BCAS4: variants seen among roughly 807,000 people sequenced by gnomAD.
BCAS4 encodes breast carcinoma-amplified sequence 4.
A neutral mutation model predicts 15.7 loss-of-function variants in BCAS4; 9 were observed. The ratio of observed to expected loss-of-function variants is 0.57; its 90% confidence interval spans 0.34 to 1.00. BCAS4 has a LOEUF of 1.00. Ranked by LOEUF, BCAS4 falls within the 50% of genes least tolerant of loss-of-function variation. BCAS4 has a pLI of 0.02. For synonymous variants in BCAS4, 101 were observed against 99.5 expected (o/e 1.02, Z -0.09); for missense variants, 225 against 239.1 (o/e 0.94, Z 0.39).
At chr20:50,856,867 C>G (rs1198820253) in intron 4 of BCAS4, among the ~76,000 whole-genome samples, 1 of 152,188 alleles carries the variant, frequency 6.6e-6, no homozygotes, top group Non-Finnish European at 1.5e-5. Flanking sequence ...AGTCACATCA[C>G]TTAGTGGCTG....
At chr20:50,865,408 C>G (rs567893771) in intron 4 of BCAS4, among the ~76,000 whole-genome samples, 4 of 152,314 alleles carry the variant, frequency 2.6e-5, no homozygotes, top group African/African-American at 4.8e-5. Flanking sequence ...CGACTCCCCC[C>G]ACCTGCTGTC....
intron 4 of BCAS4, among the ~76,000 whole-genome samples, chr20:50,865,963 G>A (rs1222769674): frequency 6.6e-6 from 1 of 152,130 alleles, no homozygotes; most frequent in East Asian, 1.9e-4. Flanking sequence ...CAGAAAGCCC[G>A]GAGCCAGGAC....
intron 1 of BCAS4, among the ~76,000 whole-genome samples, chr20:50,809,627 TC>T (rs1267813336): frequency 2.0e-5 from 3 of 152,218 alleles, no homozygotes; most frequent in Non-Finnish European, 2.9e-5. Context: ...GATTTTTTTT[TC>T]TAGTTCCATG....
intron 4 of BCAS4, among the ~76,000 whole-genome samples, chr20:50,873,003 G>T (rs977047127): frequency 6.6e-5 from 10 of 152,170 alleles, no homozygotes; most frequent in Non-Finnish European, 1.0e-4. Context: ...CCATTGTGAC[G>T]TTTGGCCAGA....
intron 1 of BCAS4, among the ~76,000 whole-genome samples, chr20:50,817,821 T>G (rs1431440093): frequency 6.6e-6 from 1 of 152,100 alleles, no homozygotes; most frequent in Non-Finnish European, 1.5e-5. Context: ...TGTGAGGTTG[T>G]GGACTCCATC....
chr20:50,808,027 C>T (rs6067554), intron 1 of BCAS4, among the ~76,000 whole-genome samples: 35,770 of 151,610 alleles, frequency 0.24, 5,541 homozygotes, highest in African/African-American at 0.44. Flanking sequence ...CCTGCCTCAG[C>T]CTCCCGAGTA....
chr20:50,795,502 T>TACCTCCGAGCGGTGCCCGGGCC (rs1252922630), intron 1 of BCAS4, among the ~76,000 whole-genome samples: 7 of 152,152 alleles, frequency 4.6e-5, no homozygotes, highest in Admixed American at 4.6e-4. Context: ...CTGCCCCGGC[T>TACCTCCGAGCGGTGCCCGGGCC]ACCTCCGAGC....
chr20:50,822,558 G>A (rs528098544), intron 2 of BCAS4, among the ~76,000 whole-genome samples: 8 of 151,536 alleles, frequency 5.3e-5, no homozygotes, highest in Non-Finnish European at 8.8e-5. Context: ...GTAGAGCAAC[G>A]AAGCTCTCAT....
chr20:50,843,590 G>A (rs2088508800), intron 4 of BCAS4, among the ~76,000 whole-genome samples: 1 of 152,070 alleles, frequency 6.6e-6, no homozygotes, highest in Non-Finnish European at 1.5e-5. Context: ...TCACCTGCCT[G>A]CTTCCAGGTG....
intron 1 of BCAS4, among the ~76,000 whole-genome samples, chr20:50,799,674 C>T (rs572777181): frequency 2.0e-5 from 3 of 152,310 alleles, no homozygotes; most frequent in East Asian, 1.9e-4. Context: ...CCTTCAGCCT[C>T]GGTATGTGCC....
intron 3 of BCAS4, among the ~76,000 whole-genome samples, chr20:50,837,820 C>T (rs1021799217): frequency 5.9e-5 from 9 of 152,224 alleles, no homozygotes; most frequent in Non-Finnish European, 1.2e-4. Flanking sequence ...TTGGTATTAA[C>T]GCTGGGAGCG....
At chr20:50,803,829 A>G (rs1242854404) in intron 1 of BCAS4, among the ~76,000 whole-genome samples, 2 of 151,092 alleles carry the variant, frequency 1.3e-5, no homozygotes, top group African/African-American at 2.4e-5. Flanking sequence ...AAGAGAGAGA[A>G]AAATACTGAT....
At chr20:50,872,204 C>T (rs866404932) in intron 4 of BCAS4, among the ~76,000 whole-genome samples, 2 of 135,662 alleles carry the variant, frequency 1.5e-5, no homozygotes, top group Admixed American at 8.4e-5. Context: ...GCAGAGGCTT[C>T]GGTGAGCCAA....
intron 4 of BCAS4, among the ~76,000 whole-genome samples, chr20:50,872,581 CA>C (rs796808126): frequency 0.037 from 1,493 of 40,156 alleles, 37 homozygotes; most frequent in African/African-American, 0.36. Context: ...AAAAAAGGAA[CA>C]AAAAAAAAAA....
intron 4 of BCAS4, among the ~76,000 whole-genome samples, chr20:50,843,690 AAAG>A (rs1488110105): frequency 6.6e-6 from 1 of 152,236 alleles, no homozygotes; most frequent in African/African-American, 2.4e-5. Context: ...AGACCAAGTT[AAAG>A]ACATCTCCTG....
chr20:50,818,439 C>CCT (rs3830778), intron 2 of BCAS4, among the ~76,000 whole-genome samples, 157 bp downstream of exon 2: 5,490 of 151,094 alleles, frequency 0.036, 116 homozygotes, highest in African/African-American at 0.06. Flanking sequence ...AACACTCCCT[C>CCT]CTCTCTCTCT....
chr20:50,841,493 G>A (rs915466808), intron 3 of BCAS4, among the ~76,000 whole-genome samples: 3 of 152,126 alleles, frequency 2.0e-5, no homozygotes, highest in African/African-American at 7.2e-5. Context: ...GCCTCTCTGA[G>A]CCTTGATTTC....
intron 4 of BCAS4, 22 bp from the exon 5 acceptor site, chr20:50,876,464 G>A (rs1252282523): frequency 6.2e-7 from 1 of 1,610,706 alleles, no homozygotes; most frequent in African/African-American, 1.3e-5. Context: ...CGCTGATAGA[G>A]CTTCATTTCT....
intron 4 of BCAS4, among the ~76,000 whole-genome samples, chr20:50,873,098 GTTGGGGGTTTC>G (rs1240557034): frequency 6.6e-6 from 1 of 152,248 alleles, no homozygotes; most frequent in Non-Finnish European, 1.5e-5. Context: ...GGATGCAATT[GTTGGGGGTTTC>G]TTACATTAGT....
Sources: allele counts gnomAD v4.1 joint callset (sites outside exome capture counted in the v4.1 genomes callset), GRCh38; gene constraint gnomAD v4.1.1; transcripts MANE v1.5; gene names NCBI Gene and HGNC (gene_info 2026-07-23, HGNC 2026-07-21).